Variants in FER observed in about 807,000 individuals in gnomAD.
FER encodes FER tyrosine kinase, also known as tyrosine-protein kinase Fer.
Under a neutral mutation model 111.0 loss-of-function variants are expected in FER, and 63 were observed. That is an observed-to-expected ratio of 0.57 (90% CI 0.46 to 0.70). FER has a LOEUF of 0.70. FER is among the 30% of genes least tolerant of loss of function. The pLI, the probability that FER is intolerant of heterozygous loss-of-function variation, is 0.00. For missense variants in FER, 914 were observed against 954.0 expected (o/e 0.96, Z 0.55); for synonymous variants, 327 against 313.9 (o/e 1.04, Z -0.44).
intron 13 of FER, among the ~76,000 whole-genome samples, chr5:108,978,303 A>AT (rs1381988439): frequency 4.6e-5 from 7 of 152,224 alleles, no homozygotes; most frequent in Admixed American, 2.6e-4. Flanking sequence ...TCCTTTATAG[A>AT]TTTTTTCAGT....
intron 13 of FER, among the ~76,000 whole-genome samples, chr5:109,032,202 C>G (rs1042554275): frequency 6.6e-6 from 1 of 151,910 alleles, no homozygotes; most frequent in East Asian, 1.9e-4. Context: ...TTGTTGGCAG[C>G]GAAGTAGAAA....
At chr5:109,112,337 A>T (rs769994005) in intron 17 of FER, among the ~76,000 whole-genome samples, 1 of 152,194 alleles carries the variant, frequency 6.6e-6, no homozygotes, top group Non-Finnish European at 1.5e-5. Context: ...GGTGCAAGTT[A>T]AAAAAGGTTT....
At chr5:108,857,432 G>T (rs1014861686) in intron 5 of FER, among the ~76,000 whole-genome samples, 3 of 152,036 alleles carry the variant, frequency 2.0e-5, no homozygotes, top group Non-Finnish European at 4.4e-5. Flanking sequence ...CCCATTATTG[G>T]ATATTAATTT....
At chr5:108,797,902 C>G (rs1756215380) in intron 2 of FER, among the ~76,000 whole-genome samples, 1 of 152,082 alleles carries the variant, frequency 6.6e-6, no homozygotes, top group Admixed American at 6.6e-5. Context: ...TCTGAATGCC[C>G]CTTTTATTTC....
intron 13 of FER, among the ~76,000 whole-genome samples, chr5:109,023,997 A>G (rs1437407931): frequency 6.6e-6 from 1 of 152,164 alleles, no homozygotes; most frequent in African/African-American, 2.4e-5. Flanking sequence ...CTCATTTAAT[A>G]TTTAGAACCA....
intron 16 of FER, among the ~76,000 whole-genome samples, chr5:109,064,876 G>T (rs1296801089): frequency 6.6e-6 from 1 of 152,078 alleles, no homozygotes; most frequent in African/African-American, 2.4e-5. Flanking sequence ...TTTCACTGTT[G>T]GCTTTGTAGG....
At chr5:108,798,677 G>A (rs1190164155) in intron 3 of FER, among the ~76,000 whole-genome samples, 1 of 152,122 alleles carries the variant, frequency 6.6e-6, no homozygotes, top group Admixed American at 6.5e-5. Flanking sequence ...GTGAAACCCT[G>A]TCTCTACAAA....
chr5:108,751,364 A>G (rs1336839146), intron 1 of FER, among the ~76,000 whole-genome samples: 1 of 152,184 alleles, frequency 6.6e-6, no homozygotes, highest in Admixed American at 6.5e-5. Context: ...ACATGAGACT[A>G]TTCAAAGCAA....
At chr5:109,125,917 T>C (rs1240675056) in intron 17 of FER, among the ~76,000 whole-genome samples, 1 of 152,220 alleles carries the variant, frequency 6.6e-6, no homozygotes, top group African/African-American at 2.4e-5. Flanking sequence ...TTCTCCTTTG[T>C]CAGAAAGAAT....
In FER at chr5:109,082,926, T is replaced by C. The variant is rs1422391760; in HGVS notation, c.1925-17470T>C. On this transcript the variant is annotated intron_variant, in intron 16 of 19. Transcript: ENST00000281092. ...ATCAAAAGAACCCCCTTTACACTTT[T>C]CTATTCTAAATGCTAAGCAAGATAG... 2.0e-5 allele frequency among the ~76,000 whole-genome samples: 3 copies of C among 151,954 alleles called. No homozygotes were observed. In the East Asian group the frequency reaches 5.8e-4, roughly 29 times the overall value.
chr5:108,879,166 G>A (rs1476863736), intron 8 of FER, among the ~76,000 whole-genome samples: 1 of 151,858 alleles, frequency 6.6e-6, no homozygotes, highest in Non-Finnish European at 1.5e-5. Flanking sequence ...ACTTTTAACT[G>A]CTTTGCCTTA....
At chr5:108,959,051 A>G (rs1758803968) in intron 12 of FER, among the ~76,000 whole-genome samples, 174 bp from the exon 13 acceptor site, 1 of 151,890 alleles carries the variant, frequency 6.6e-6, no homozygotes, top group African/African-American at 2.4e-5. Context: ...TTATTTATCT[A>G]TTTATATTTT....
At chr5:108,784,119 T>A (rs1754399628) in intron 2 of FER, 1 of 154,782 alleles carries the variant, frequency 6.5e-6, no homozygotes, top group Admixed American at 6.5e-5. Flanking sequence ...GATGACCCTT[T>A]GTGGCACCCT....
At chr5:108,785,485 T>C (rs1299666519) in intron 2 of FER, 1 of 570,890 alleles carries the variant, frequency 1.8e-6, no homozygotes, top group Non-Finnish European at 3.5e-6. Context: ...GGTCTGTTGG[T>C]GGTCATTTGT....
intron 13 of FER, among the ~76,000 whole-genome samples, chr5:109,033,606 G>A (rs1262720099): frequency 6.6e-6 from 1 of 152,068 alleles, no homozygotes; most frequent in Non-Finnish European, 1.5e-5. Flanking sequence ...GAAATTGAAT[G>A]TCTTTCTCAG....
chr5:109,128,207 C>T lies in FER; in HGVS notation c.2048+27688C>T, dbSNP rs182699561. 1.7e-4 allele frequency among the ~76,000 whole-genome samples: 26 copies of T among 151,914 alleles called. No individual in the cohort carries two copies. In the East Asian group the frequency reaches 1.9e-3, roughly 11 times the overall value. ...GATTGATCACACAAGTCAGTAGCAT[C>T]ATACCTTTGTGAGATATACAAGTTT... On this transcript the variant is annotated intron_variant, in intron 17 of 19. Coordinates refer to ENST00000281092, the MANE Select transcript of FER (RefSeq NM_005246.4).
At chr5:109,032,906 A>G (rs1769847108) in intron 13 of FER, among the ~76,000 whole-genome samples, 1 of 152,144 alleles carries the variant, frequency 6.6e-6, no homozygotes, top group African/African-American at 2.4e-5. Flanking sequence ...ATAGAATCCA[A>G]ATATTAACAA....
intron 13 of FER, among the ~76,000 whole-genome samples, chr5:108,992,850 C>T (rs2149753062): frequency 6.6e-6 from 1 of 151,256 alleles, no homozygotes; most frequent in Non-Finnish European, 1.5e-5. Flanking sequence ...ACACTCCTCA[C>T]CTCCCAGACG....
At chr5:108,796,306 T>C (rs1465130000) in intron 2 of FER, among the ~76,000 whole-genome samples, 1 of 152,196 alleles carries the variant, frequency 6.6e-6, no homozygotes, top group East Asian at 1.9e-4. Flanking sequence ...AGTACTGGAA[T>C]TGCACTGGGT....
Sources: gnomAD v4.1 joint callset for allele counts (sites outside exome capture counted in the v4.1 genomes callset) on GRCh38, gnomAD v4.1.1 for gene constraint, MANE v1.5 for transcripts, NCBI Gene and HGNC (gene_info 2026-07-23, HGNC 2026-07-21) for gene names.